Variants in HEPH observed in about 807,000 individuals in gnomAD.
HEPH encodes hephaestin.
HEPH carries 69 observed loss-of-function variants against 80.8 expected under a neutral mutation model. The observed-to-expected ratio is 0.85, with a 90% CI of 0.70 to 1.04. The LOEUF (loss-of-function observed/expected upper bound fraction) is 1.04, where lower values mean the gene tolerates loss of function less well. Among genes scored for constraint, HEPH ranks in the 50% least tolerant of loss-of-function variants. The pLI, the probability that HEPH is intolerant of heterozygous loss-of-function variation, is 0.00. For synonymous variants in HEPH, 431 were observed against 322.8 expected (o/e 1.34, Z -3.60); for missense variants, 1,115 against 891.3 (o/e 1.25, Z -3.20).
At chrX:66,180,063 G>T (rs1260306503) in intron 4 of HEPH, among the ~76,000 whole-genome samples, 3 of 110,953 alleles carry the variant, frequency 2.7e-5, no homozygotes, top group African/African-American at 9.8e-5. Context: ...GGGGCATTTA[G>T]GCCATTTACA....
rs2091267936 is a variant in HEPH, at chrX:66,258,915, T to C, written c.2972T>C (p.Leu991Pro). The C allele has an allele frequency of 8.5e-7, 1 of 1,176,377 alleles. No homozygotes were observed. The highest frequency in any genetic ancestry group is 1.9e-5 in the African/African-American group (1 of 53,419). ...GGAGAACGAGTGGCCTGGTACATGCTGGCCATGGGCCAAGATGTGGATCTA... is the reference window on the plus strand; with the variant it reads ...GGAGAACGAGTGGCCTGGTACATGCCGGCCATGGGCCAAGATGTGGATCTA... ...YQGERVAWYMLAMGQDVDLHT... is the reference protein window; with the variant it reads ...YQGERVAWYMPAMGQDVDLHT... Residue 991 changes from leucine (L) to proline (P), a missense_variant, in exon 18 of 21, where the codon CTG becomes CCG. Leu to Pro is a moderately conservative substitution (Grantham distance 98). This residue lies in a region of HEPH where 716 missense variants were observed against 523.5 expected (regional missense o/e 1.37). Coordinates refer to ENST00000343002, the MANE Select transcript of HEPH (RefSeq NM_001367233.3).
At chrX:66,262,172 GA>G (rs2091388224) in intron 19 of HEPH, among the ~76,000 whole-genome samples, 1 of 112,150 alleles carries the variant, frequency 8.9e-6, no homozygotes, top group Non-Finnish European at 1.9e-5. Context: ...AGGCCAACAG[GA>G]AGGAAGAGTT....
chrX:66,236,850 G>A (rs144214576), intron 15 of HEPH, among the ~76,000 whole-genome samples: 3,331 of 110,834 alleles, frequency 0.03, 124 homozygotes, highest in African/African-American at 0.11. Context: ...TGTCTTGGGA[G>A]GGCGTATATG....
At chrX:66,264,540 T>C (rs1000726562) in intron 20 of HEPH, among the ~76,000 whole-genome samples, 41 of 109,064 alleles carry the variant, frequency 3.8e-4, no homozygotes, top group Non-Finnish European at 6.3e-4. Flanking sequence ...GTGTTGTTAT[T>C]CTCCACCTCA....
chrX:66,177,864 A>G (rs1264179833), intron 4 of HEPH, among the ~76,000 whole-genome samples: 1 of 110,555 alleles, frequency 9.0e-6, no homozygotes, highest in East Asian at 2.8e-4. Context: ...AGAGCTATGA[A>G]CTTCCCTTTT....
chrX:66,222,947 CTTTAG>C (rs1465533002), intron 15 of HEPH, among the ~76,000 whole-genome samples: 7 of 111,456 alleles, frequency 6.3e-5, no homozygotes, highest in South Asian at 3.8e-4. Context: ...TTTTTCTTAG[CTTTAG>C]TTTGGTAGGG....
intron 15 of HEPH, among the ~76,000 whole-genome samples, chrX:66,239,466 A>G (rs2090486408): frequency 8.9e-6 from 1 of 112,043 alleles, no homozygotes; most frequent in African/African-American, 3.2e-5. Context: ...CAGCCACTTT[A>G]CTTAACAAGT....
At chrX:66,233,325 C>T (rs2090232154) in intron 15 of HEPH, among the ~76,000 whole-genome samples, 1 of 111,561 alleles carries the variant, frequency 9.0e-6, no homozygotes, top group African/African-American at 3.3e-5. Context: ...TACCAAACCT[C>T]AAGCCTGTTT....
At chrX:66,173,546 C>T in intron 3 of HEPH, 43 bp from the exon 4 acceptor site, 1 of 999,268 alleles carries the variant, frequency 1.0e-6, no homozygotes, top group Non-Finnish European at 1.4e-6. Context: ...TGCCACGGTC[C>T]CTCACTTATT....
In HEPH at chrX:66,205,585, G is replaced by A. The variant is rs146263984; in HGVS notation, c.2292-1610G>A. ...AATGCATGTGTCTTTTTGATAGAAT[G>A]ATCTATTTTTCATGCTTTTTTTTTT... On this transcript the variant is annotated intron_variant, in intron 13 of 20. Transcript: ENST00000343002. 7.0e-3 allele frequency among the ~76,000 whole-genome samples: 754 copies of A among 107,168 alleles called. 6 individuals carry two copies. Among genetic ancestry groups the A allele is most frequent in the African/African-American group, 0.025 (725 of 28,787 alleles). 93.1% of individuals were successfully genotyped at this position (107,168 alleles called of 115,157 possible).
intron 4 of HEPH, among the ~76,000 whole-genome samples, chrX:66,176,923 T>C (rs1049058945): frequency 5.4e-5 from 6 of 111,341 alleles, no homozygotes; most frequent in Non-Finnish European, 7.5e-5. Context: ...ACTTCATGTC[T>C]AAAACACCAA....
chrX:66,247,676 C>T (rs1257111015), intron 15 of HEPH, among the ~76,000 whole-genome samples: 12 of 111,047 alleles, frequency 1.1e-4, no homozygotes, highest in Non-Finnish European at 9.4e-5. Flanking sequence ...GTTACATGAA[C>T]CAAAAAGTAA....
rs2088898101 is a variant in HEPH at position 66,208,171 on chromosome X, G to A, written c.2488G>A (p.Ala830Thr). ...CCTGACTGTGGTATTCAAGAATAAT[G>A]CCAGCCGCCCCTACTCTGTGCATGC... ...DILTVVFKNN[A>T]SRPYSVHAHG... is the part of the protein sequence containing the mutation. The change falls in exon 15 of 21, where the codon GCC becomes ACC. Residue 830 changes from alanine (A) to threonine (T), a missense_variant. Ala to Thr is a moderately conservative substitution (Grantham distance 58, BLOSUM62 0). Transcript: ENST00000343002. 1 of 1,202,152 alleles carries A rather than the reference G, an allele frequency of 8.3e-7. No individual in the cohort carries two copies. The highest frequency in any genetic ancestry group is 1.1e-6 in the Non-Finnish European group (1 of 889,097).
Position 66,252,992 on chromosome X carries a change from A to C in HEPH, c.2564-2043A>C, listed in dbSNP as rs993458422. 1.1e-4 allele frequency among the ~76,000 whole-genome samples: 12 copies of C among 112,688 alleles called. No individual in the cohort carries two copies. In the Admixed American group the frequency reaches 1.1e-3, roughly 11 times the overall value. ...AGACCTAAATATAAAAGCTAAAGCT[A>C]TAAAACTTTTAGAAGAAAACAAAGG... is the stretch of plus-strand genomic sequence containing the variant. On this transcript the variant is annotated intron_variant, in intron 15 of 20. Coordinates refer to ENST00000343002, the MANE Select transcript of HEPH (RefSeq NM_001367233.3).
rs1450282113 is a variant in HEPH at position 66,263,700 on chromosome X, G to T, written c.3244+12G>T. 3 of 1,201,840 alleles carry T rather than the reference G, an allele frequency of 2.5e-6. No homozygotes were observed. Among genetic ancestry groups the T allele is most frequent in the Non-Finnish European group, 2.3e-6 (2 of 888,367 alleles). ...AGAGACTGAAAAAGGTACGTAAAAT[G>T]ATGCACAGACTGGGTACTTATACAT... On this transcript the variant is annotated intron_variant, in intron 20 of 20. Coordinates refer to ENST00000343002, the MANE Select transcript of HEPH (RefSeq NM_001367233.3).
At chrX:66,262,663 A>T (rs917476416) in intron 19 of HEPH, among the ~76,000 whole-genome samples, 2 of 111,726 alleles carry the variant, frequency 1.8e-5, no homozygotes, top group African/African-American at 6.5e-5. Flanking sequence ...GTTTTGGTAG[A>T]TTATTGCAAC....
rs149653494 is a variant in HEPH at position 66,227,189 on chromosome X, T to A, written c.2563+18943T>A. 1.6e-4 allele frequency among the ~76,000 whole-genome samples: 18 copies of A among 112,129 alleles called. No homozygotes were observed. The East Asian group carries it at 5.0e-3, about 31-fold the overall frequency. Reference sequence around the variant, plus strand: ...AGAATTAAAAACAAAAATTACATGGTCATTTCAATAGATGCAGAAAAAGCA... The same window carrying A: ...AGAATTAAAAACAAAAATTACATGGACATTTCAATAGATGCAGAAAAAGCA... On this transcript the variant is annotated intron_variant, in intron 15 of 20. Coordinates refer to ENST00000343002, the MANE Select transcript of HEPH (RefSeq NM_001367233.3).
Position 66,249,000 on chromosome X carries a change from T to A in HEPH, c.2564-6035T>A, listed in dbSNP as rs186920447. 5.3e-3 allele frequency among the ~76,000 whole-genome samples: 596 copies of A among 111,495 alleles called. 6 individuals are homozygous for A. The highest frequency in any genetic ancestry group is 0.018 in the African/African-American group (567 of 30,673). On this transcript the variant is annotated intron_variant, in intron 15 of 20. Transcript: ENST00000343002. ...AGTGTTGTGGAGGTGGGTGTGCTGG[T>A]GTAGGAGGTTTGAAGAAAAGGAAAA...
At chrX:66,174,158 G>GC (rs2147526940) in intron 4 of HEPH, among the ~76,000 whole-genome samples, 2 of 108,880 alleles carry the variant, frequency 1.8e-5, no homozygotes, top group South Asian at 4.1e-4. Context: ...TATCCCTCGT[G>GC]CCCCCCCAGC....
Sources: allele counts gnomAD v4.1 joint callset (sites outside exome capture counted in the v4.1 genomes callset), GRCh38; gene constraint gnomAD v4.1.1; regional missense constraint gnomAD v4.1.1; transcripts MANE v1.5; gene names NCBI Gene and HGNC (gene_info 2026-07-23, HGNC 2026-07-21).